ZNF385D: variants seen among roughly 807,000 people sequenced by gnomAD.
ZNF385D encodes zinc finger protein 385D.
Under a neutral mutation model 35.8 loss-of-function variants are expected in ZNF385D, and 15 were observed. The observed-to-expected ratio is 0.42, with a 90% CI of 0.28 to 0.64. The LOEUF (loss-of-function observed/expected upper bound fraction) is 0.64. ZNF385D is among the 30% of genes least tolerant of loss of function. The pLI is 0.23. For synonymous variants in ZNF385D, 212 were observed against 186.8 expected, an observed-to-expected ratio of 1.13 and a Z score of -1.10; for missense variants, 474 against 494.6, an observed-to-expected ratio of 0.96 and a Z score of 0.39.
At chr3:21,993,418 A>G (rs1045852047) in intron 3 of ZNF385D, among the ~76,000 whole-genome samples, 3 of 152,186 alleles carry the variant, frequency 2.0e-5, no homozygotes, top group Non-Finnish European at 4.4e-5. Context: ...TCTCTCCTAA[A>G]TAATAACCTA....
intron 4 of ZNF385D, among the ~76,000 whole-genome samples, chr3:21,455,181 A>G (rs1436302485): frequency 3.9e-5 from 6 of 152,232 alleles, no homozygotes; most frequent in African/African-American, 9.6e-5. Context: ...TATAGATTCA[A>G]TGCCATCCCC....
intron 2 of ZNF385D, among the ~76,000 whole-genome samples, chr3:22,277,914 T>C (rs1701513658): frequency 6.6e-6 from 1 of 152,078 alleles, no homozygotes; most frequent in African/African-American, 2.4e-5. Context: ...GTGGATAAAG[T>C]ACCAAAAATG....
chr3:22,020,173 A>G (rs563836669), intron 3 of ZNF385D, among the ~76,000 whole-genome samples: 3 of 151,890 alleles, frequency 2.0e-5, no homozygotes, highest in African/African-American at 7.2e-5. Flanking sequence ...TTGTCATGCA[A>G]TACATGACAA....
intron 3 of ZNF385D, among the ~76,000 whole-genome samples, chr3:21,758,798 C>T (rs9876656): frequency 0.75 from 114,272 of 151,392 alleles, 44,930 homozygotes; most frequent in East Asian, 0.98. Context: ...TGTATATTTT[C>T]ACCTAGTTTT....
chr3:21,793,782 G>T (rs2125668009), intron 3 of ZNF385D, among the ~76,000 whole-genome samples: 1 of 152,290 alleles, frequency 6.6e-6, no homozygotes, highest in African/African-American at 2.4e-5. Flanking sequence ...CATTCTGTAA[G>T]GAACCTTAAA....
At chr3:21,953,861 C>T (rs575483104) in intron 3 of ZNF385D, among the ~76,000 whole-genome samples, 3 of 152,122 alleles carry the variant, frequency 2.0e-5, no homozygotes, top group Non-Finnish European at 4.4e-5. Context: ...AACTCACTCA[C>T]GTATACACAC....
intron 3 of ZNF385D, among the ~76,000 whole-genome samples, chr3:22,032,707 G>A (rs1450219108): frequency 1.3e-5 from 2 of 152,074 alleles, no homozygotes; most frequent in African/African-American, 4.8e-5. Context: ...TTAGGGAAAG[G>A]GCATTTAGGT....
intron 1 of ZNF385D, among the ~76,000 whole-genome samples, chr3:21,748,452 T>C (rs1384484633): frequency 2.6e-5 from 4 of 151,962 alleles, no homozygotes; most frequent in African/African-American, 7.3e-5. Context: ...CACTGACAAA[T>C]CAGATGATTT....
chr3:21,497,815 C>T (rs971006491), intron 4 of ZNF385D, among the ~76,000 whole-genome samples: 1 of 152,084 alleles, frequency 6.6e-6, no homozygotes, highest in Admixed American at 6.6e-5. Context: ...TGCCACTGCA[C>T]TCCAGCTTGG....
intron 2 of ZNF385D, among the ~76,000 whole-genome samples, chr3:22,273,533 A>C (rs1701281720): frequency 6.6e-6 from 1 of 151,960 alleles, no homozygotes; most frequent in Non-Finnish European, 1.5e-5. Flanking sequence ...TCATAACAAA[A>C]AATTAGTGGC....
chr3:22,320,418 T>C (rs536530729), intron 2 of ZNF385D, among the ~76,000 whole-genome samples: 225 of 152,094 alleles, frequency 1.5e-3, no homozygotes, highest in African/African-American at 4.8e-3. Context: ...TATTTCCTTG[T>C]TTTTGATCAT....
chr3:21,827,528 A>AT (rs1694718221), intron 3 of ZNF385D, among the ~76,000 whole-genome samples: 2 of 152,188 alleles, frequency 1.3e-5, no homozygotes, highest in South Asian at 2.1e-4. Context: ...ATACGTCAAG[A>AT]TGCCACATGC....
chr3:21,923,926 G>A (rs1575927102), intron 3 of ZNF385D, among the ~76,000 whole-genome samples: 2 of 152,212 alleles, frequency 1.3e-5, no homozygotes, highest in Non-Finnish European at 1.5e-5. Flanking sequence ...ACCTGCACGT[G>A]TACCTCCTGA....
intron 2 of ZNF385D, among the ~76,000 whole-genome samples, chr3:21,661,892 T>C (rs2066248567): frequency 6.6e-6 from 1 of 152,208 alleles, no homozygotes; most frequent in Admixed American, 6.5e-5. Context: ...CTTCATGGTT[T>C]ATGCTCTTGT....
intron 4 of ZNF385D, among the ~76,000 whole-genome samples, chr3:21,473,714 C>A (rs575723785): frequency 9.9e-5 from 15 of 152,158 alleles, no homozygotes; most frequent in African/African-American, 3.6e-4. Flanking sequence ...TTGTCTCAAG[C>A]TCTTTGCATA....
At chr3:21,597,943 G>C (rs2064171448) in intron 2 of ZNF385D, among the ~76,000 whole-genome samples, 1 of 152,110 alleles carries the variant, frequency 6.6e-6, no homozygotes, top group Non-Finnish European at 1.5e-5. Context: ...CACTTAATGG[G>C]TGTAGAAAAG....
intron 2 of ZNF385D, among the ~76,000 whole-genome samples, chr3:22,284,350 G>A (rs985342055): frequency 4.0e-5 from 6 of 151,796 alleles, no homozygotes; most frequent in African/African-American, 7.3e-5. Context: ...CACCACACCC[G>A]GCTATTCTTT....
chr3:22,216,470 C>T (rs902859079), intron 2 of ZNF385D, among the ~76,000 whole-genome samples: 5 of 151,972 alleles, frequency 3.3e-5, no homozygotes, highest in African/African-American at 9.7e-5. Flanking sequence ...ATTAAAATAA[C>T]TAGCGTTCTT....
At chr3:22,192,863 T>G (rs994501434) in intron 2 of ZNF385D, among the ~76,000 whole-genome samples, 1 of 152,138 alleles carries the variant, frequency 6.6e-6, no homozygotes, top group Non-Finnish European at 1.5e-5. Context: ...GGGTTAAAGT[T>G]TTCTCTAATT....
Sources: allele counts gnomAD v4.1 joint callset (sites outside exome capture counted in the v4.1 genomes callset), GRCh38; gene constraint gnomAD v4.1.1; transcripts MANE v1.5; gene names NCBI Gene and HGNC (gene_info 2026-07-23, HGNC 2026-07-21).